The following CLSTN2 variants were observed in gnomAD, a reference collection of about 807,000 sequenced individuals.
CLSTN2 encodes calsyntenin 2, also known as calsyntenin-2.
In CLSTN2, 48 loss-of-function variants were observed where a neutral mutation model predicts 101.2. That is an observed-to-expected ratio of 0.47 (90% CI 0.38 to 0.60). CLSTN2 has a LOEUF of 0.60. CLSTN2 is among the 20% of genes least tolerant of loss of function. CLSTN2 has a pLI of 0.00. For synonymous variants in CLSTN2, 481 were observed against 463.6 expected, an observed-to-expected ratio of 1.04 and a Z score of -0.48; for missense variants, 1,160 against 1,238.2, an observed-to-expected ratio of 0.94 and a Z score of 0.95.
At chr3:140,060,726 G>A (rs539152177) in intron 1 of CLSTN2, among the ~76,000 whole-genome samples, 11 of 152,328 alleles carry the variant, frequency 7.2e-5, no homozygotes, top group African/African-American at 1.4e-4. Context: ...CAAGGCCTGC[G>A]GTTGACCTGA....
chr3:140,468,357 T>C (rs922507061), intron 8 of CLSTN2, among the ~76,000 whole-genome samples: 1 of 152,204 alleles, frequency 6.6e-6, no homozygotes, highest in African/African-American at 2.4e-5. Context: ...AAGATGGGAT[T>C]GAGAGGCATT....
At chr3:140,139,910 GA>G (rs2107808518) in intron 1 of CLSTN2, among the ~76,000 whole-genome samples, 1 of 152,294 alleles carries the variant, frequency 6.6e-6, no homozygotes, top group East Asian at 1.9e-4. Context: ...TTCTATATCT[GA>G]AACCCAGTGC....
At chr3:140,061,049 T>C (rs1216879829) in intron 1 of CLSTN2, among the ~76,000 whole-genome samples, 1 of 152,176 alleles carries the variant, frequency 6.6e-6, no homozygotes, top group African/African-American at 2.4e-5. Context: ...AGATATTACT[T>C]ACTCAGCCTA....
rs111899017 is a variant in CLSTN2, at chr3:140,421,708, G to A, written c.787+434G>A. Among the ~76,000 whole-genome samples, 1,259 of 152,226 alleles carry A rather than the reference G, an allele frequency of 8.3e-3. 18 individuals carry two copies. Among genetic ancestry groups the A allele is most frequent in the African/African-American group, 0.028 (1,173 of 41,530 alleles). ...ACACAGAATGCACACAGGCAGAGGC[G>A]GGAGACCCAGAATCCAGACTCTGGA... On this transcript the variant is annotated intron_variant, in intron 5 of 16. Transcript: ENST00000458420.
chr3:140,042,762 G>A (rs2007787736), intron 1 of CLSTN2, among the ~76,000 whole-genome samples: 1 of 152,182 alleles, frequency 6.6e-6, no homozygotes, highest in Non-Finnish European at 1.5e-5. Flanking sequence ...CTATGAGTGA[G>A]AACATGTGGT....
At chr3:140,363,835 TG>T (rs1336217793) in intron 2 of CLSTN2, among the ~76,000 whole-genome samples, 2 of 152,130 alleles carry the variant, frequency 1.3e-5, no homozygotes, top group African/African-American at 4.8e-5. Flanking sequence ...AGGGGGAACC[TG>T]GGGGCTAGGA....
intron 2 of CLSTN2, among the ~76,000 whole-genome samples, chr3:140,365,588 G>T (rs553517312): frequency 6.6e-6 from 1 of 152,030 alleles, no homozygotes; most frequent in Admixed American, 6.6e-5. Flanking sequence ...TGTGATCATC[G>T]GGGAAACTAA....
At chr3:140,510,718 C>T (rs1477770352) in intron 8 of CLSTN2, among the ~76,000 whole-genome samples, 1 of 152,230 alleles carries the variant, frequency 6.6e-6, no homozygotes, top group Non-Finnish European at 1.5e-5. Flanking sequence ...TGAAAACACA[C>T]TACGCTTCTT....
At chr3:140,121,194 C>CA (rs1210116215) in intron 1 of CLSTN2, among the ~76,000 whole-genome samples, 1 of 152,140 alleles carries the variant, frequency 6.6e-6, no homozygotes, top group African/African-American at 2.4e-5. Context: ...ACAGGAACCT[C>CA]AAGATAGACG....
intron 1 of CLSTN2, among the ~76,000 whole-genome samples, chr3:139,976,936 T>A (rs2107821587): frequency 1.3e-5 from 2 of 152,252 alleles, no homozygotes; most frequent in South Asian, 4.1e-4. Flanking sequence ...TTTAGAGACC[T>A]CCAATAATGA....
At chr3:139,976,282 G>A (rs779319058) in intron 1 of CLSTN2, among the ~76,000 whole-genome samples, 1 of 152,128 alleles carries the variant, frequency 6.6e-6, no homozygotes, top group Non-Finnish European at 1.5e-5. Flanking sequence ...GTCCATCCAG[G>A]AATTAAAGGC....
intron 8 of CLSTN2, among the ~76,000 whole-genome samples, chr3:140,495,704 C>T (rs1203831953): frequency 6.6e-6 from 1 of 152,134 alleles, no homozygotes; most frequent in Admixed American, 6.5e-5. Flanking sequence ...CTTCCAGCAC[C>T]ATTTATTAAA....
rs773886578 is a variant in CLSTN2, at chr3:140,048,001, TGCATG to T, written c.109+112521_109+112525del. ...TTAAATAATGACACAAGGAAATAAATGCATGGCTATTAAAGTTAAAATATGAAATA... is the reference window on the plus strand; with the variant it reads ...TTAAATAATGACACAAGGAAATAAATGCTATTAAAGTTAAAATATGAAATA... On this transcript the variant is annotated intron_variant, in intron 1 of 16. Transcript: ENST00000458420. 3.5e-4 allele frequency among the ~76,000 whole-genome samples: 53 copies of T among 152,050 alleles called. 1 individual carries two copies. Among genetic ancestry groups the T allele is most frequent in the Non-Finnish European group, 7.1e-4 (48 of 68,006 alleles).
At chr3:140,263,465 C>A (rs2086670656) in intron 2 of CLSTN2, among the ~76,000 whole-genome samples, 1 of 152,156 alleles carries the variant, frequency 6.6e-6, no homozygotes, top group South Asian at 2.1e-4. Flanking sequence ...CTCACTCAGG[C>A]AGGTTGTGGG....
intron 1 of CLSTN2, among the ~76,000 whole-genome samples, chr3:140,003,268 C>T (rs1183169618): frequency 6.6e-6 from 1 of 152,008 alleles, no homozygotes; most frequent in Admixed American, 6.6e-5. Context: ...AAACCTTTTA[C>T]TTCTTAAGTT....
intron 1 of CLSTN2, among the ~76,000 whole-genome samples, chr3:140,093,343 TA>T (rs1311723877): frequency 6.6e-6 from 1 of 152,120 alleles, no homozygotes; most frequent in Non-Finnish European, 1.5e-5. Flanking sequence ...CAATGATCTG[TA>T]CCCGCCATGG....
chr3:140,091,846 C>A (rs2008784811), intron 1 of CLSTN2, among the ~76,000 whole-genome samples: 1 of 152,218 alleles, frequency 6.6e-6, no homozygotes, highest in Non-Finnish European at 1.5e-5. Context: ...TATTGCCTCA[C>A]CATACAACAA....
chr3:140,239,210 C>T (rs1180064123), intron 2 of CLSTN2, among the ~76,000 whole-genome samples: 2 of 152,098 alleles, frequency 1.3e-5, no homozygotes, highest in African/African-American at 2.4e-5. Context: ...TGAGTTAACT[C>T]CACAATTTTG....
intron 2 of CLSTN2, among the ~76,000 whole-genome samples, chr3:140,349,149 C>T (rs1035232661): frequency 6.6e-6 from 1 of 152,214 alleles, no homozygotes; most frequent in Admixed American, 6.5e-5. Flanking sequence ...GTACTTCTCT[C>T]TCCTGCCATC....
Sources: gnomAD v4.1 joint callset for allele counts (sites outside exome capture counted in the v4.1 genomes callset) on GRCh38, gnomAD v4.1.1 for gene constraint, MANE v1.5 for transcripts, NCBI Gene and HGNC (gene_info 2026-07-23, HGNC 2026-07-21) for gene names.